The following RYR2 variants were observed in gnomAD, a reference collection of about 807,000 sequenced individuals.
The protein encoded by RYR2 is ryanodine receptor 2.
A neutral mutation model predicts 601.1 loss-of-function variants in RYR2; 227 were observed. The observed-to-expected ratio is 0.38, with a 90% CI of 0.34 to 0.42. RYR2 has a LOEUF of 0.42. Ranked by LOEUF, RYR2 falls within the 10% of genes least tolerant of loss-of-function variation. The pLI is 1.00. For synonymous variants in RYR2, 2,223 were observed against 2,175.1 expected (o/e 1.02, Z -0.61); for missense variants, 4,646 against 6,156.5 (o/e 0.75, Z 8.21).
rs755432808 is a variant in RYR2, at chr1:237,454,562, C to T, written c.1464C>T (p.Leu488=). 6.8e-6 allele frequency: 11 copies of T among 1,613,092 alleles called. No homozygotes were observed. In the South Asian group the frequency reaches 8.8e-5, roughly 13 times the overall value. Residue 488 remains leucine, a synonymous_variant, in exon 15 of 105, where the codon CTC becomes CTT. Transcript: ENST00000366574. The part of the protein sequence containing the change: ...RLRALKNRQN[L]FQEEGMINLV... ...GAGCCCTGAAGAATCGGCAAAATCT[C>T]TTCCAGGAAGAGGTCCGTTTCTATC...
intron 84 of RYR2, among the ~76,000 whole-genome samples, chr1:237,764,280 T>C (rs955984692): frequency 1.3e-5 from 2 of 152,208 alleles, no homozygotes; most frequent in South Asian, 2.1e-4. Context: ...AGGCTGAGAC[T>C]GAAATGCAGG....
chr1:237,088,796 G>C (rs748288677), intron 1 of RYR2, among the ~76,000 whole-genome samples: 1 of 152,062 alleles, frequency 6.6e-6, no homozygotes, highest in South Asian at 2.1e-4. Context: ...AGACAGTTTA[G>C]GTTAAGTTGT....
At chr1:237,580,758 C>A (rs1382900507) in intron 29 of RYR2, among the ~76,000 whole-genome samples, 2 of 152,066 alleles carry the variant, frequency 1.3e-5, no homozygotes, top group Non-Finnish European at 2.9e-5. Context: ...TAGTGTGGGG[C>A]CTTAATCCAG....
At chr1:237,050,154 A>G (rs1265571947) in intron 1 of RYR2, among the ~76,000 whole-genome samples, 2 of 152,154 alleles carry the variant, frequency 1.3e-5, no homozygotes, top group African/African-American at 2.4e-5. Flanking sequence ...AGCCACTGAC[A>G]CGTGAACCCA....
chr1:237,559,304 A>G (rs1035818198), intron 27 of RYR2, among the ~76,000 whole-genome samples: 12 of 152,040 alleles, frequency 7.9e-5, no homozygotes, highest in Non-Finnish European at 1.2e-4. Context: ...CCTCTCTCTA[A>G]TTCTATGGCA....
chr1:237,767,740 A>G (rs530081594), intron 84 of RYR2, among the ~76,000 whole-genome samples: 4 of 152,334 alleles, frequency 2.6e-5, no homozygotes, highest in African/African-American at 9.6e-5. Flanking sequence ...AAACAGCAAT[A>G]TTAAAACTTC....
intron 80 of RYR2, among the ~76,000 whole-genome samples, chr1:237,749,593 T>A (rs1474088218): frequency 6.6e-6 from 1 of 152,080 alleles, no homozygotes; most frequent in Non-Finnish European, 1.5e-5. Context: ...CCTCTCTGTT[T>A]CTCAGCTTTC....
At chr1:237,607,763 A>G (rs1164589158) in intron 35 of RYR2, among the ~76,000 whole-genome samples, 1 of 152,216 alleles carries the variant, frequency 6.6e-6, no homozygotes. Flanking sequence ...TAATTTTGCA[A>G]TTGTAAAGTT....
intron 1 of RYR2, among the ~76,000 whole-genome samples, chr1:237,074,204 C>T (rs1349401058): frequency 1.3e-5 from 2 of 152,050 alleles, no homozygotes; most frequent in South Asian, 2.1e-4. Flanking sequence ...TGTATCCCAG[C>T]TACTTGGGAG....
intron 29 of RYR2, among the ~76,000 whole-genome samples, chr1:237,585,614 G>A (rs551679385): frequency 1.1e-3 from 160 of 152,220 alleles, no homozygotes; most frequent in Non-Finnish European, 1.8e-3. Flanking sequence ...AAAAGTAAAT[G>A]TAGTTTCTAG....
At chr1:237,664,207 A>G (rs2148861630) in intron 56 of RYR2, among the ~76,000 whole-genome samples, 1 of 152,310 alleles carries the variant, frequency 6.6e-6, no homozygotes, top group South Asian at 2.1e-4. Flanking sequence ...AAACTTTTGG[A>G]ATGTGTTTCT....
At chr1:237,467,599 T>A (rs187650768) in intron 16 of RYR2, among the ~76,000 whole-genome samples, 1 of 152,284 alleles carries the variant, frequency 6.6e-6, no homozygotes, top group East Asian at 1.9e-4. Context: ...TGTACAAATG[T>A]CACAGAGGCG....
Position 237,511,751 on chromosome 1 carries a change from G to A in RYR2, c.2782G>A (p.Glu928Lys). The A allele has an allele frequency of 6.4e-7, 1 of 1,558,202 alleles. No individual in the cohort carries two copies. Among genetic ancestry groups the A allele is most frequent in the Non-Finnish European group, 8.7e-7 (1 of 1,147,868 alleles). Reference protein sequence around the residue: ...LVEFSKLPEQERNYNLQMSLE... With the variant: ...LVEFSKLPEQKRNYNLQMSLE... The stretch of plus-strand genomic sequence containing the variant: ...GGAGTTCTCCAAGCTGCCTGAACAG[G>A]AGCGCAATTACAACTTACAAATGTC... Residue 928 changes from glutamate (E) to lysine (K), a missense_variant, in exon 24 of 105, where the codon GAG becomes AAG. By Grantham distance (56) the Glu-to-Lys change is moderately conservative (BLOSUM62 1). Coordinates refer to ENST00000366574, the MANE Select transcript of RYR2 (RefSeq NM_001035.3).
intron 19 of RYR2, among the ~76,000 whole-genome samples, chr1:237,494,936 G>GCC (rs930207842): frequency 1.7e-4 from 26 of 151,812 alleles, no homozygotes; most frequent in African/African-American, 6.3e-4. Context: ...GATTACAGGT[G>GCC]CACACCACCA....
At chr1:237,615,570 T>C (rs1433265023) in intron 37 of RYR2, among the ~76,000 whole-genome samples, 4 of 152,150 alleles carry the variant, frequency 2.6e-5, no homozygotes, top group African/African-American at 7.2e-5. Context: ...CCTTTATTAA[T>C]GTCTCCTCTG....
At chr1:237,312,265 G>T (rs552827185) in intron 2 of RYR2, among the ~76,000 whole-genome samples, 1 of 152,284 alleles carries the variant, frequency 6.6e-6, no homozygotes, top group South Asian at 2.1e-4. Flanking sequence ...CACAAAACTA[G>T]CTCCTTCCGT....
chr1:237,173,274 T>C lies in RYR2; in HGVS notation c.49-97223T>C, dbSNP rs142946916. On this transcript the variant is annotated intron_variant, in intron 1 of 104. Transcript: ENST00000366574. ...CCCAGTAGTTGTGTGTTTTCCTGCT[T>C]CTACTGGGGTTTGAAATTGAAGACA... Among the ~76,000 whole-genome samples the C allele has an allele frequency of 4.4e-3, 675 of 152,294 alleles. 1 individual carries two copies. The highest frequency in any genetic ancestry group is 6.8e-3 in the Non-Finnish European group (464 of 68,024).
chr1:237,108,201 A>G (rs538401487), intron 1 of RYR2, among the ~76,000 whole-genome samples: 1 of 152,278 alleles, frequency 6.6e-6, no homozygotes, highest in East Asian at 1.9e-4. Context: ...ACTGATTTAG[A>G]CTTAGCGACC....
chr1:237,820,864 T>C (rs1662411671), intron 101 of RYR2, among the ~76,000 whole-genome samples: 1 of 152,120 alleles, frequency 6.6e-6, no homozygotes, highest in African/African-American at 2.4e-5. Flanking sequence ...TGCTGAGGCA[T>C]GAGTAGGCAG....
Sources: gnomAD v4.1 joint callset for allele counts (sites outside exome capture counted in the v4.1 genomes callset) on GRCh38, gnomAD v4.1.1 for gene constraint, MANE v1.5 for transcripts, NCBI Gene and HGNC (gene_info 2026-07-23, HGNC 2026-07-21) for gene names.